The following TRAT1 variants were observed in gnomAD, a reference collection of about 807,000 sequenced individuals.
TRAT1 encodes T-cell receptor-associated transmembrane adapter 1.
In TRAT1, 20 loss-of-function variants were observed where a neutral mutation model predicts 20.0. That is an observed-to-expected ratio of 1.00 (90% confidence interval 0.70 to 1.45). The LOEUF is 1.45. Ranked by LOEUF, TRAT1 falls within the 40% of genes most tolerant of loss-of-function variation. The pLI is 0.00. For synonymous variants in TRAT1, 77 were observed against 74.2 expected (o/e 1.04, Z -0.20); for missense variants, 237 against 224.1 (o/e 1.06, Z -0.37).
chr3:108,846,178 C>T (rs1945939978), intron 3 of TRAT1, among the ~76,000 whole-genome samples: 1 of 152,184 alleles, frequency 6.6e-6, no homozygotes, highest in Non-Finnish European at 1.5e-5. Flanking sequence ...CTGCCAGTTA[C>T]TGACTGTGTA....
chr3:108,847,204 T>TA (rs1318066303), intron 4 of TRAT1, 75 bp downstream of exon 4: 3 of 886,226 alleles, frequency 3.4e-6, no homozygotes, highest in East Asian at 2.6e-5. Context: ...AGTGGCGCTT[T>TA]AAAAAAATCA....
intron 2 of TRAT1, among the ~76,000 whole-genome samples, chr3:108,833,428 A>G (rs920287540): frequency 7.2e-5 from 11 of 152,096 alleles, no homozygotes; most frequent in Middle Eastern, 3.2e-3. Context: ...AAACAAAACA[A>G]AACAAAAAAA....
chr3:108,841,508 G>A (rs1213457265), intron 3 of TRAT1, among the ~76,000 whole-genome samples: 1 of 152,062 alleles, frequency 6.6e-6, no homozygotes, highest in African/African-American at 2.4e-5. Context: ...TTTCTCGGGT[G>A]GGGCTTGCGT....
At chr3:108,838,110 C>CA (rs1230200279) in intron 2 of TRAT1, among the ~76,000 whole-genome samples, 1 of 152,020 alleles carries the variant, frequency 6.6e-6, no homozygotes, top group African/African-American at 2.4e-5. Context: ...CCTGGCAGAC[C>CA]AAAAATAACT....
At chr3:108,832,184 G>A (rs1429009629) in intron 2 of TRAT1, among the ~76,000 whole-genome samples, 1 of 152,188 alleles carries the variant, frequency 6.6e-6, no homozygotes, top group Non-Finnish European at 1.5e-5. Context: ...CTATTCAATA[G>A]CAAAATCAAT....
intron 3 of TRAT1, chr3:108,839,406 G>A (rs536280530): frequency 6.5e-6 from 1 of 153,780 alleles, no homozygotes; most frequent in African/African-American, 2.4e-5. Flanking sequence ...GGCCGAGGCA[G>A]GCAGATCACG....
intron 3 of TRAT1, 142 bp downstream of exon 3, chr3:108,839,109 C>T (rs1945868132): frequency 1.5e-6 from 1 of 654,790 alleles, no homozygotes; most frequent in Admixed American, 2.8e-5. Flanking sequence ...CTTTTACTCT[C>T]ATCTAAAGAT....
intron 1 of TRAT1, among the ~76,000 whole-genome samples, chr3:108,828,679 T>C (rs944172105): frequency 1.3e-5 from 2 of 152,184 alleles, no homozygotes; most frequent in African/African-American, 4.8e-5. Flanking sequence ...TCTTAAAACA[T>C]GTTTTATTTT....
chr3:108,832,882 A>T (rs1315102815), intron 2 of TRAT1, among the ~76,000 whole-genome samples: 1 of 152,214 alleles, frequency 6.6e-6, no homozygotes, highest in Non-Finnish European at 1.5e-5. Flanking sequence ...CTTTTTATCA[A>T]CATCATCAAG....
intron 1 of TRAT1, among the ~76,000 whole-genome samples, chr3:108,827,574 C>G (rs1245344678): frequency 6.6e-6 from 1 of 151,966 alleles, no homozygotes; most frequent in African/African-American, 2.4e-5. Flanking sequence ...TCATAAAATA[C>G]AAAGCCTCCA....
intron 2 of TRAT1, among the ~76,000 whole-genome samples, chr3:108,833,957 T>C (rs961902386): frequency 1.3e-5 from 2 of 152,168 alleles, no homozygotes; most frequent in Non-Finnish European, 2.9e-5. Flanking sequence ...CTACTATGGC[T>C]ATATGTCATC....
At chr3:108,823,668 T>C (rs1388814720) in intron 1 of TRAT1, among the ~76,000 whole-genome samples, 1 of 152,232 alleles carries the variant, frequency 6.6e-6, no homozygotes, top group African/African-American at 2.4e-5. Context: ...TTTCAAATTT[T>C]ATTTATATAC....
chr3:108,825,027 C>T (rs2107504804), intron 1 of TRAT1, among the ~76,000 whole-genome samples: 1 of 151,988 alleles, frequency 6.6e-6, no homozygotes, highest in East Asian at 1.9e-4. Context: ...TACAATTTCA[C>T]AGAAGAGATG....
At chr3:108,822,992 C>T in intron 1 of TRAT1, 58 bp downstream of exon 1, 1 of 1,506,840 alleles carries the variant, frequency 6.6e-7, no homozygotes. Context: ...CACTTAATTT[C>T]TAAGTCCTAA....
chr3:108,823,643 A>G (rs1945711546), intron 1 of TRAT1, among the ~76,000 whole-genome samples: 1 of 152,180 alleles, frequency 6.6e-6, no homozygotes, highest in African/African-American at 2.4e-5. Context: ...AAAACACAAA[A>G]TATGTTTTAT....
At chr3:108,828,562 C>G (rs960800556) in intron 1 of TRAT1, among the ~76,000 whole-genome samples, 1 of 152,082 alleles carries the variant, frequency 6.6e-6, no homozygotes, top group Non-Finnish European at 1.5e-5. Flanking sequence ...AGGAAATCCC[C>G]AGGCCTTTAT....
chr3:108,838,443 G>A (rs7639094), intron 2 of TRAT1, among the ~76,000 whole-genome samples: 64,345 of 151,640 alleles, frequency 0.42, 16,358 homozygotes, highest in East Asian at 0.88. Flanking sequence ...GATTTTTTTC[G>A]TTTTTGGTAA....
chr3:108,833,609 T>A (rs893153480), intron 2 of TRAT1, among the ~76,000 whole-genome samples: 5 of 152,208 alleles, frequency 3.3e-5, no homozygotes, highest in African/African-American at 1.2e-4. Flanking sequence ...ATGTATTTTT[T>A]AAATAAATTT....
chr3:108,830,128 A>G (rs1945779395), intron 1 of TRAT1, among the ~76,000 whole-genome samples: 1 of 152,144 alleles, frequency 6.6e-6, no homozygotes, highest in African/African-American at 2.4e-5. Flanking sequence ...TTTCCACTTT[A>G]CATTCATGGG....
Sources: allele counts gnomAD v4.1 joint callset (sites outside exome capture counted in the v4.1 genomes callset), GRCh38; gene constraint gnomAD v4.1.1; transcripts MANE v1.5; gene names NCBI Gene and HGNC (gene_info 2026-07-23, HGNC 2026-07-21).